Variants in CYP2B6 observed in about 807,000 individuals in gnomAD.
CYP2B6 encodes the protein cytochrome P450 family 2 subfamily B member 6.
In CYP2B6, 35 loss-of-function variants were observed where a neutral mutation model predicts 43.4. That is an observed-to-expected ratio of 0.81 (90% CI 0.62 to 1.07). The LOEUF is 1.07. Among genes scored for constraint, CYP2B6 ranks in the 50% least tolerant of loss-of-function variants. The pLI is 0.00. For missense variants in CYP2B6, 624 were observed against 632.8 expected, an observed-to-expected ratio of 0.99 and a Z score of 0.15; for synonymous variants, 239 against 239.2, an observed-to-expected ratio of 1.00 and a Z score of 0.01.
intron 1 of CYP2B6, among the ~76,000 whole-genome samples, chr19:40,992,376 T>G (rs1033292601): frequency 6.6e-5 from 10 of 152,112 alleles, no homozygotes; most frequent in Non-Finnish European, 2.9e-5. Context: ...ACCATCATAA[T>G]GGACTTGTCT....
chr19:40,998,265 A>T (rs1969027410), intron 1 of CYP2B6, among the ~76,000 whole-genome samples: 1 of 152,090 alleles, frequency 6.6e-6, no homozygotes, highest in Non-Finnish European at 1.5e-5. Flanking sequence ...TGCCTCTGTT[A>T]ACAGAATTTG....
At position 41,012,342 on chromosome 19, in the gene CYP2B6, C is replaced by A; in HGVS notation, c.1009C>A (p.Pro337Thr). The change falls in exon 7 of 9, where the codon CCT (proline) becomes ACT (threonine). Residue 337 changes from proline (P) to threonine (T), a missense_variant. Pro to Thr is a conservative substitution (Grantham distance 38). Coordinates refer to ENST00000324071, the MANE Select transcript of CYP2B6 (RefSeq NM_000767.5). ...TGAACAGGTGATTGGCCCACATCGC[C>A]CTCCAGAGCTTCATGACCGAGCCAA... is the stretch of plus-strand genomic sequence containing the variant. ...EIEQVIGPHR[P>T]PELHDRAKMP... The A allele has an allele frequency of 6.2e-7, 1 of 1,614,096 alleles. No homozygotes were observed. Among genetic ancestry groups the A allele is most frequent in the Non-Finnish European group, 8.5e-7 (1 of 1,180,008 alleles).
chr19:41,012,163 T>A (rs1193875937), intron 6 of CYP2B6, 135 bp from the exon 7 acceptor site: 15 of 799,076 alleles, frequency 1.9e-5, no homozygotes, highest in Non-Finnish European at 2.9e-5. Context: ...TTGGCCAGGC[T>A]CATCTTGAAC....
intron 3 of CYP2B6, among the ~76,000 whole-genome samples, chr19:41,006,376 C>T (rs944148646): frequency 3.9e-4 from 53 of 136,390 alleles, no homozygotes; most frequent in Non-Finnish European, 7.0e-4. Context: ...GTTGCCCAGG[C>T]TGGTCTTGAA....
At position 41,017,076 on chromosome 19, in the gene CYP2B6, A is replaced by T. The variant is rs1284229695; in HGVS notation, c.*249A>T. ...CTTGTTTTTTGAGACAGAGTCTCAC[A>T]CTGTTGCCCAGGCTGGAGTGCAGTG... On this transcript the variant is annotated 3_prime_UTR_variant, in exon 9 of 9. Coordinates refer to ENST00000324071, the MANE Select transcript of CYP2B6 (RefSeq NM_000767.5). The T allele has an allele frequency of 5.8e-5, 17 of 294,444 alleles. No individual in the cohort carries two copies. Among genetic ancestry groups the T allele is most frequent in the Admixed American group, 3.2e-4 (7 of 21,928 alleles). The allele number at this position is 294,444 out of a possible 1,614,324, so 18.2% of individuals were successfully genotyped here. A position where few individuals can be genotyped will look rare whatever the true frequency, so the allele number is the denominator to read the frequency against.
At chr19:41,015,410 A>G (rs1969345803) in intron 8 of CYP2B6, among the ~76,000 whole-genome samples, 1 of 152,220 alleles carries the variant, frequency 6.6e-6, no homozygotes, top group African/African-American at 2.4e-5. Context: ...AAACACCTCC[A>G]CATAGACACA....
chr19:41,002,848 T>G (rs1969117025), intron 1 of CYP2B6, among the ~76,000 whole-genome samples: 1 of 152,108 alleles, frequency 6.6e-6, no homozygotes, highest in Non-Finnish European at 1.5e-5. Context: ...CGCCTGGCCC[T>G]GTGTTTGAAC....
At chr19:41,003,792 A>G (rs1022329860) in intron 1 of CYP2B6, among the ~76,000 whole-genome samples, 2 of 152,198 alleles carry the variant, frequency 1.3e-5, no homozygotes, top group Non-Finnish European at 2.9e-5. Context: ...CCAGAAACGG[A>G]AACTAAGAAC....
chr19:40,997,236 C>T (rs1969011122), intron 1 of CYP2B6, among the ~76,000 whole-genome samples: 1 of 151,804 alleles, frequency 6.6e-6, no homozygotes, highest in Admixed American at 6.6e-5. Flanking sequence ...CACATAGTGC[C>T]CTATACCGGT....
At chr19:40,995,978 G>A (rs2144658996) in intron 1 of CYP2B6, among the ~76,000 whole-genome samples, 2 of 152,244 alleles carry the variant, frequency 1.3e-5, no homozygotes, top group South Asian at 4.2e-4. Flanking sequence ...CATGAGGCAG[G>A]AAGCCAGTTT....
chr19:41,016,931 T>G lies in CYP2B6; in HGVS notation c.*104T>G. ...CGCAACTTCCTGCCTCTGAGAGACC[T>G]GCTACAAGCCAGCTTCCTTCCCCTC... On this transcript the variant is annotated 3_prime_UTR_variant, in exon 9 of 9. Coordinates refer to ENST00000324071, the MANE Select transcript of CYP2B6 (RefSeq NM_000767.5). 1.6e-6 allele frequency: 2 copies of G among 1,253,562 alleles called. No individual in the cohort carries two copies. Among genetic ancestry groups the G allele is most frequent in the South Asian group, 1.4e-5 (1 of 71,210 alleles). The allele number at this position is 1,253,562 out of a possible 1,614,324, so 77.7% of individuals were successfully genotyped here. A position where few individuals can be genotyped will look rare whatever the true frequency, so the allele number is the denominator to read the frequency against.
intron 4 of CYP2B6, among the ~76,000 whole-genome samples, chr19:41,008,345 G>A (rs997808350): frequency 5.5e-5 from 8 of 144,806 alleles, no homozygotes; most frequent in South Asian, 2.3e-4. Flanking sequence ...CCGAGCAGCC[G>A]GGACTATAGG....
intron 4 of CYP2B6, among the ~76,000 whole-genome samples, chr19:41,008,928 G>A (rs1043316769): frequency 5.3e-5 from 8 of 151,018 alleles, no homozygotes; most frequent in African/African-American, 1.7e-4. Context: ...GGTAGACAAT[G>A]GGTGACACAG....
chr19:41,003,803 C>T, intron 1 of CYP2B6, 198 bp from the exon 2 acceptor site: 2 of 720,646 alleles, frequency 2.8e-6, no homozygotes, highest in Non-Finnish European at 4.9e-6. Context: ...AACTAAGAAC[C>T]CATGACTGTA....
At position 41,009,307 on chromosome 19, in the gene CYP2B6, T is replaced by G. The variant is rs763793104; in HGVS notation, c.734T>G (p.Ile245Ser). ...YKNLQEINAY[I>S]GHSVEKHRET... The stretch of plus-strand genomic sequence containing the variant: ...AACCTGCAGGAAATCAATGCTTACA[T>G]TGGCCACAGTGTGGAGAAGCACCGT... The change falls in exon 5 of 9, where the codon ATT (isoleucine) becomes AGT (serine). Residue 245 changes from isoleucine (I) to serine (S), a missense_variant. Ile to Ser is a moderately radical substitution (Grantham distance 142, BLOSUM62 -2). Transcript: ENST00000324071. 6.2e-7 allele frequency: 1 copy of G among 1,612,522 alleles called. No individual in the cohort carries two copies. The highest frequency in any genetic ancestry group is 8.5e-7 in the Non-Finnish European group (1 of 1,179,206).
chr19:41,016,441 G>T (rs1377968540), intron 8 of CYP2B6, among the ~76,000 whole-genome samples: 4 of 139,746 alleles, frequency 2.9e-5, no homozygotes, highest in Non-Finnish European at 6.2e-5. Flanking sequence ...AAAAGAGAGA[G>T]AGAGAAATGA....
In CYP2B6 at chr19:41,007,030, C is replaced by A; in HGVS notation, c.610C>A (p.Gln204Lys). The A allele has an allele frequency of 6.2e-7, 1 of 1,614,066 alleles. No individual in the cohort carries two copies. Among genetic ancestry groups the A allele is most frequent in the Non-Finnish European group, 8.5e-7 (1 of 1,180,024 alleles). The change falls in exon 4 of 9, where the codon CAG becomes AAG. Residue 204 changes from glutamine (Q) to lysine (K), a missense_variant. By Grantham distance (53) the Gln-to-Lys change is moderately conservative. Transcript: ENST00000324071. ...CCTGAAGATGCTGAACTTGTTCTACCAGACTTTTTCACTCATCAGCTCTGT... is the reference window on the plus strand; with the variant it reads ...CCTGAAGATGCTGAACTTGTTCTACAAGACTTTTTCACTCATCAGCTCTGT... ...EFLKMLNLFY[Q>K]TFSLISSVFG...
intron 8 of CYP2B6, among the ~76,000 whole-genome samples, chr19:41,013,836 C>G (rs1218232425): frequency 1.1e-3 from 169 of 152,202 alleles, no homozygotes; most frequent in African/African-American, 3.9e-3. Flanking sequence ...TCAGAGAGCT[C>G]CATCCAGCAA....
Position 41,012,457 on chromosome 19 carries a change from C to A in CYP2B6, c.1124C>A (p.Thr375Asn), listed in dbSNP as rs1427945459. ...GTGCCCCACATTGTCACCCAACACA[C>A]CAGCTTCCGAGGGTACATCATCCCC... ...MGVPHIVTQH[T>N]SFRGYIIPKD... The change falls in exon 7 of 9, where the codon ACC (threonine) becomes AAC (asparagine). Residue 375 changes from threonine to asparagine, a missense_variant. Physicochemically the swap from Thr to Asn is moderately conservative, Grantham distance 65. Coordinates refer to ENST00000324071, the MANE Select transcript of CYP2B6 (RefSeq NM_000767.5). 6.2e-7 allele frequency: 1 copy of A among 1,614,110 alleles called. No individual in the cohort carries two copies. The highest frequency in any genetic ancestry group is 8.5e-7 in the Non-Finnish European group (1 of 1,179,982).
Sources: allele counts gnomAD v4.1 joint callset (sites outside exome capture counted in the v4.1 genomes callset), GRCh38; gene constraint gnomAD v4.1.1; transcripts MANE v1.5; gene names NCBI Gene and HGNC (gene_info 2026-07-23, HGNC 2026-07-21).